Variants in ZNF585B observed in about 807,000 individuals in gnomAD.
ZNF585B encodes the protein zinc finger protein 585B.
Under a neutral mutation model 14.0 loss-of-function variants are expected in ZNF585B, and 7 were observed. That is an observed-to-expected ratio of 0.50 (90% CI 0.28 to 0.94). The LOEUF is 0.94. Ranked by LOEUF, ZNF585B falls within the 40% of genes least tolerant of loss-of-function variation. The pLI is 0.09. For synonymous variants in ZNF585B, 290 were observed against 317.3 expected (o/e 0.91, Z 0.91); for missense variants, 750 against 924.4 (o/e 0.81, Z 2.45).
chr19:37,207,994 G>C (rs1972604575), intron 1 of ZNF585B, among the ~76,000 whole-genome samples: 1 of 151,900 alleles, frequency 6.6e-6, no homozygotes, highest in Non-Finnish European at 1.5e-5. Context: ...TTTCTTTTAA[G>C]ATGGGGTCTC....
At position 37,184,439 on chromosome 19, in the gene ZNF585B, A is replaced by AAGGAAG. The variant is rs1568504905; in HGVS notation, c.*787_*788insCTTCCT. On this transcript the variant is annotated 3_prime_UTR_variant, in exon 5 of 5. Coordinates refer to ENST00000532828, the MANE Select transcript of ZNF585B (RefSeq NM_152279.4). ...AAGAGAAAGAAAGAAAAAGAAAGAA[A>AAGGAAG]GAAGGAAAGAAAGAAAGAAAGAAAG... is the stretch of plus-strand genomic sequence containing the variant. The AAGGAAG allele has an allele frequency of 1.3e-5, 1 of 74,882 alleles. No individual in the cohort carries two copies. The highest frequency in any genetic ancestry group is 5.9e-5 in the African/African-American group (1 of 16,902). The allele number at this position is 74,882 out of a possible 1,614,324, so 4.6% of individuals were successfully genotyped here.
Position 37,185,098 on chromosome 19 carries a change from G to C in ZNF585B, c.*129C>G. Reference sequence around the variant, plus strand: ...AGTGCCTTCTCAGAGGCCCTCTCCAGAACAGCCATGTGTGACATTCTGATG... The same window carrying C: ...AGTGCCTTCTCAGAGGCCCTCTCCACAACAGCCATGTGTGACATTCTGATG... On this transcript the variant is annotated 3_prime_UTR_variant, in exon 5 of 5. Transcript: ENST00000532828. 7.8e-7 allele frequency: 1 copy of C among 1,279,006 alleles called. No homozygotes were observed. The highest frequency in any genetic ancestry group is 1.1e-6 in the Non-Finnish European group (1 of 941,648). The allele number at this position is 1,279,006 out of a possible 1,614,324, so 79.2% of individuals were successfully genotyped here. A position where few individuals can be genotyped will look rare whatever the true frequency, so the allele number is the denominator to read the frequency against.
At chr19:37,198,329 G>T (rs1049466304) in intron 2 of ZNF585B, among the ~76,000 whole-genome samples, 1 of 151,926 alleles carries the variant, frequency 6.6e-6, no homozygotes, top group African/African-American at 2.4e-5. Flanking sequence ...GTGCCACCAT[G>T]CCCGGCTAAT....
At chr19:37,190,649 T>A (rs1487501729) in intron 2 of ZNF585B, among the ~76,000 whole-genome samples, 2 of 150,248 alleles carry the variant, frequency 1.3e-5, no homozygotes, top group Admixed American at 6.7e-5. Flanking sequence ...CACTGCAACC[T>A]CCACCTCCCA....
rs1342847268 is a variant in ZNF585B at position 37,197,979 on chromosome 19, G to A, written c.73-7829C>T. On this transcript the variant is annotated intron_variant, in intron 2 of 4. Coordinates refer to ENST00000532828, the MANE Select transcript of ZNF585B (RefSeq NM_152279.4). ...GAAATAATTCTTAGTCATCAATTTT[G>A]TGTCACTATGTACATTCTGGTGCCA... Among the ~76,000 whole-genome samples, 9 of 151,374 alleles carry A rather than the reference G, an allele frequency of 5.9e-5. No homozygotes were observed. In the East Asian group the frequency reaches 1.5e-3, roughly 26 times the overall value.
rs1972312131 is a variant in ZNF585B, at chr19:37,184,695, A to T, written c.*532T>A. ...CACAGGGAGTTTGTCTTATTGCAGT[A>T]TCTCTTGCTTGATAGAAATACTCAA... On this transcript the variant is annotated 3_prime_UTR_variant, in exon 5 of 5. Coordinates refer to ENST00000532828, the MANE Select transcript of ZNF585B (RefSeq NM_152279.4). 1 of 247,426 alleles carries T rather than the reference A, an allele frequency of 4.0e-6. No homozygotes were observed. The highest frequency in any genetic ancestry group is 7.7e-6 in the Non-Finnish European group (1 of 130,404). 15.3% of individuals were successfully genotyped at this position (247,426 alleles called of 1,614,324 possible).
At chr19:37,202,191 CAG>C (rs1972537677) in intron 2 of ZNF585B, among the ~76,000 whole-genome samples, 1 of 152,002 alleles carries the variant, frequency 6.6e-6, no homozygotes, top group South Asian at 2.1e-4. Context: ...TTAATAGAGA[CAG>C]GGTTTCATCA....
At chr19:37,208,605 T>C (rs1216885835) in intron 1 of ZNF585B, among the ~76,000 whole-genome samples, 1 of 140,018 alleles carries the variant, frequency 7.1e-6, no homozygotes, top group African/African-American at 2.7e-5. Flanking sequence ...AAAAAAAAAA[T>C]AAAAGAAACT....
At chr19:37,197,915 A>G (rs1972486282) in intron 2 of ZNF585B, among the ~76,000 whole-genome samples, 1 of 152,232 alleles carries the variant, frequency 6.6e-6, no homozygotes, top group South Asian at 2.1e-4. Context: ...TTAGGGAGGC[A>G]GACCTGATGT....
Position 37,183,975 on chromosome 19 carries a change from G to A in ZNF585B, c.*1252C>T, listed in dbSNP as rs1361639796. On this transcript the variant is annotated 3_prime_UTR_variant, in exon 5 of 5. Transcript: ENST00000532828. ...GGCAGGCAACTGAGTGAGAAGAATT[G>A]TAATAGCAGAAGGAAGAATTTAAGT... 6.6e-6 allele frequency: 1 copy of A among 151,430 alleles called. No individual in the cohort carries two copies. The highest frequency in any genetic ancestry group is 1.5e-5 in the Non-Finnish European group (1 of 67,914). 9.4% of individuals were successfully genotyped at this position (151,430 alleles called of 1,614,324 possible). A position where few individuals can be genotyped will look rare whatever the true frequency, so the allele number is the denominator to read the frequency against.
At position 37,181,827 on chromosome 19, in the gene ZNF585B, A is replaced by G. The variant is rs533428244; in HGVS notation, c.*3400T>C. 6.6e-6 allele frequency: 1 copy of G among 152,250 alleles called. No individual in the cohort carries two copies. The highest frequency in any genetic ancestry group is 2.1e-4 in the South Asian group (1 of 4,836). The allele number at this position is 152,250 out of a possible 1,614,324, so 9.4% of individuals were successfully genotyped here. A position where few individuals can be genotyped will look rare whatever the true frequency, so the allele number is the denominator to read the frequency against. Reference sequence around the variant, plus strand: ...GGTTCAGAGGCAAAATTATGGAGACAAAAGAAAATAGCCAGGAGTTTAGAG... The same window carrying G: ...GGTTCAGAGGCAAAATTATGGAGACGAAAGAAAATAGCCAGGAGTTTAGAG... On this transcript the variant is annotated 3_prime_UTR_variant, in exon 5 of 5. Coordinates refer to ENST00000532828, the MANE Select transcript of ZNF585B (RefSeq NM_152279.4).
rs547903976 is a variant in ZNF585B at position 37,181,622 on chromosome 19, A to G, written c.*3605T>C. The G allele has an allele frequency of 6.6e-6, 1 of 152,118 alleles. No individual in the cohort carries two copies. Among genetic ancestry groups the G allele is most frequent in the African/African-American group, 2.4e-5 (1 of 41,516 alleles). The allele number at this position is 152,118 out of a possible 1,614,324, so 9.4% of individuals were successfully genotyped here. A position where few individuals can be genotyped will look rare whatever the true frequency, so the allele number is the denominator to read the frequency against. On this transcript the variant is annotated 3_prime_UTR_variant, in exon 5 of 5. Coordinates refer to ENST00000532828, the MANE Select transcript of ZNF585B (RefSeq NM_152279.4). ...TCATAATCAACAAAACTTGGAAGCA[A>G]TTAAGGTGTCCTTCAGTAGGTGAAT...
intron 2 of ZNF585B, among the ~76,000 whole-genome samples, chr19:37,195,490 G>A (rs1410689609): frequency 6.6e-6 from 1 of 150,848 alleles, no homozygotes; most frequent in African/African-American, 2.4e-5. Context: ...CTAGACTGAT[G>A]AAAATAAAAA....
chr19:37,187,643 G>C (rs943793334), intron 4 of ZNF585B, among the ~76,000 whole-genome samples: 1 of 151,296 alleles, frequency 6.6e-6, no homozygotes, highest in Non-Finnish European at 1.5e-5. Context: ...TTTTTCCAGA[G>C]ATTCCCTGTA....
chr19:37,207,095 G>A lies in ZNF585B; in HGVS notation c.17C>T (p.Thr6Ile), dbSNP rs559003198. ...CAGGGCTGAGGATTTCTGGGGTGAG[G>A]TCCAACTAGCTGGCATGGCCACACT... MPASW[T>I]SPQKSSALAP... is the part of the protein sequence containing the mutation. Residue 6 changes from threonine (T) to isoleucine (I), a missense_variant, in exon 2 of 5, where the codon ACC (threonine) becomes ATC (isoleucine). Thr to Ile is a moderately conservative substitution (Grantham distance 89). Coordinates refer to ENST00000532828, the MANE Select transcript of ZNF585B (RefSeq NM_152279.4). 2.5e-6 allele frequency: 4 copies of A among 1,614,118 alleles called. No homozygotes were observed. Among genetic ancestry groups the A allele is most frequent in the Admixed American group, 1.7e-5 (1 of 60,020 alleles).
At chr19:37,208,223 G>T (rs904935541) in intron 1 of ZNF585B, among the ~76,000 whole-genome samples, 1 of 151,970 alleles carries the variant, frequency 6.6e-6, no homozygotes, top group Non-Finnish European at 1.5e-5. Flanking sequence ...CGCCTGCCTC[G>T]GCCTCCCAAA....
chr19:37,193,387 C>T (rs967164605), intron 2 of ZNF585B, among the ~76,000 whole-genome samples: 2 of 150,798 alleles, frequency 1.3e-5, no homozygotes, highest in African/African-American at 2.4e-5. Context: ...AGGAGAATGG[C>T]GTGAACCCGG....
chr19:37,185,566 G>A lies in ZNF585B; in HGVS notation c.1971C>T (p.Thr657=), dbSNP rs146143888. 496 of 1,610,794 alleles carry A rather than the reference G, an allele frequency of 3.1e-4. 2 individuals carry two copies. The African/African-American group carries it at 5.3e-3, about 17-fold the overall frequency. ...CAGAACAAATGTAGGGCTTTTCTCC[G>A]GTATGAGTTTTCTGGTGCTTACTGA... ...SNLSKHQKTH[T]GEKPYICSEC... The change falls in exon 5 of 5, where the codon ACC becomes ACT. Residue 657 remains threonine (T), a synonymous_variant. Coordinates refer to ENST00000532828, the MANE Select transcript of ZNF585B (RefSeq NM_152279.4).
In ZNF585B at chr19:37,181,944, AC is replaced by A. The variant is rs1338702811; in HGVS notation, c.*3282del. On this transcript the variant is annotated 3_prime_UTR_variant, in exon 5 of 5. Coordinates refer to ENST00000532828, the MANE Select transcript of ZNF585B (RefSeq NM_152279.4). ...TACATGTCATTATTCATTTGTCTCAACCCACAGAATGCACATCAAGACTGAA... is the reference window on the plus strand; with the variant it reads ...TACATGTCATTATTCATTTGTCTCAACCACAGAATGCACATCAAGACTGAA... 6.6e-6 allele frequency: 1 copy of A among 152,154 alleles called. No individual in the cohort carries two copies. Among genetic ancestry groups the A allele is most frequent in the East Asian group, 1.9e-4 (1 of 5,188 alleles). 9.4% of individuals were successfully genotyped at this position (152,154 alleles called of 1,614,324 possible). A position where few individuals can be genotyped will look rare whatever the true frequency, so the allele number is the denominator to read the frequency against.
Sources: allele counts gnomAD v4.1 joint callset (sites outside exome capture counted in the v4.1 genomes callset), GRCh38; gene constraint gnomAD v4.1.1; transcripts MANE v1.5; gene names NCBI Gene and HGNC (gene_info 2026-07-23, HGNC 2026-07-21).